Variants in HFM1 observed in about 807,000 individuals in gnomAD.
The protein encoded by HFM1 is helicase for meiosis 1.
A neutral mutation model predicts 192.1 loss-of-function variants in HFM1; 169 were observed. The ratio of observed to expected loss-of-function variants is 0.88; its 90% CI spans 0.78 to 1.00. HFM1 has a LOEUF of 1.00. HFM1 is among the 50% of genes least tolerant of loss of function. HFM1 has a pLI of 0.00. For missense variants in HFM1, 1,661 were observed against 1,668.0 expected, an observed-to-expected ratio of 1.00 and a Z score of 0.07; for synonymous variants, 525 against 537.8, an observed-to-expected ratio of 0.98 and a Z score of 0.33.
Position 91,267,812 on chromosome 1 carries a change from A to G in HFM1, c.3816T>C (p.Asp1272=). Residue 1272 remains aspartate, a synonymous_variant, in exon 35 of 39, where the codon GAT becomes GAC. Transcript: ENST00000370425. ...CTTCTAAGTTTTCATCATCAAAATC[A>G]TCCCAAACTTCATTTCCCAATTCAA... The part of the protein sequence containing the change: ...VNFELGNEVW[D]DFDDENLEVT... The G allele has an allele frequency of 6.3e-7, 1 of 1,582,432 alleles. No individual in the cohort carries two copies. Among genetic ancestry groups the G allele is most frequent in the Non-Finnish European group, 8.6e-7 (1 of 1,169,126 alleles).
intron 30 of HFM1, among the ~76,000 whole-genome samples, chr1:91,291,252 T>G (rs2100931502): frequency 6.6e-6 from 1 of 152,218 alleles, no homozygotes; most frequent in South Asian, 2.1e-4. Context: ...AAAAAATTAA[T>G]GAATTCAGGA....
intron 4 of HFM1, among the ~76,000 whole-genome samples, chr1:91,386,229 A>C (rs1021046427): frequency 2.0e-5 from 3 of 152,160 alleles, no homozygotes; most frequent in African/African-American, 7.2e-5. Flanking sequence ...GGTCTCTTAG[A>C]TCTCTCACTC....
intron 30 of HFM1, among the ~76,000 whole-genome samples, chr1:91,293,391 C>T (rs1438773152): frequency 4.6e-5 from 7 of 152,152 alleles, no homozygotes; most frequent in East Asian, 1.9e-4. Context: ...GGGCAAAGGA[C>T]ATGAACAGAC....
chr1:91,302,385 G>A (rs1648925609), intron 30 of HFM1, among the ~76,000 whole-genome samples: 1 of 151,938 alleles, frequency 6.6e-6, no homozygotes, highest in African/African-American at 2.4e-5. Flanking sequence ...CGATTCCTCA[G>A]GGATCTAGAA....
chr1:91,401,501 A>T (rs1664305871), intron 1 of HFM1, among the ~76,000 whole-genome samples: 1 of 152,208 alleles, frequency 6.6e-6, no homozygotes, highest in Non-Finnish European at 1.5e-5. Flanking sequence ...CTTTGTTCAC[A>T]CCATTATTTT....
At chr1:91,387,468 G>A (rs1235042231) in intron 4 of HFM1, among the ~76,000 whole-genome samples, 3 of 151,796 alleles carry the variant, frequency 2.0e-5, no homozygotes, top group Admixed American at 6.6e-5. Flanking sequence ...AAGATCAAGC[G>A]AGCTTTTGCC....
chr1:91,334,510 A>G (rs1477535792), intron 20 of HFM1, among the ~76,000 whole-genome samples: 1 of 152,186 alleles, frequency 6.6e-6, no homozygotes, highest in Non-Finnish European at 1.5e-5. Flanking sequence ...AAAATTCTTG[A>G]GCAATATTTT....
chr1:91,315,898 A>C lies in HFM1; in HGVS notation c.3057T>G (p.Thr1019=), dbSNP rs555924821. Residue 1019 remains threonine (T), a synonymous_variant, in exon 28 of 39, where the codon ACT becomes ACG. Coordinates refer to ENST00000370425, the MANE Select transcript of HFM1 (RefSeq NM_001017975.6). The part of the protein sequence containing the change: ...VILRNFEQLQ[T]KRTASDSHYV... ...AGTGAGAATCCGATGCTGTTCTTTT[A>C]GTTTGTAGCTGTTCAAAATTTCTTA... is the stretch of plus-strand genomic sequence containing the variant. 3 of 1,607,828 alleles carry C rather than the reference A, an allele frequency of 1.9e-6. No homozygotes were observed. The Admixed American group carries it at 5.0e-5, about 27-fold the overall frequency.
At chr1:91,314,879 A>G (rs1212084716) in intron 28 of HFM1, among the ~76,000 whole-genome samples, 1 of 152,172 alleles carries the variant, frequency 6.6e-6, no homozygotes, top group Non-Finnish European at 1.5e-5. Context: ...GCTGCAGGAG[A>G]GCAGTTACCA....
intron 20 of HFM1, among the ~76,000 whole-genome samples, chr1:91,335,951 CCCCTCTCTCCCT>C (rs1428230963): frequency 3.3e-5 from 5 of 151,444 alleles, no homozygotes; most frequent in African/African-American, 9.7e-5. Flanking sequence ...CAGGCTAAGA[CCCCTCTCTCCCT>C]CCCTCTCTCC....
At chr1:91,407,374 T>G (rs539652549), upstream of HFM1, among the ~76,000 whole-genome samples, 37 of 152,254 alleles carry the variant, frequency 2.4e-4, no homozygotes, top group South Asian at 7.5e-3. Context: ...AAAAGAAATT[T>G]CTGCCCATTA....
chr1:91,291,238 C>A (rs1668709666), intron 30 of HFM1, among the ~76,000 whole-genome samples: 1 of 152,100 alleles, frequency 6.6e-6, no homozygotes, highest in Admixed American at 6.5e-5. Flanking sequence ...ACAAAACACC[C>A]TTCAAAAAAT....
intron 25 of HFM1, among the ~76,000 whole-genome samples, chr1:91,316,850 T>C (rs559464221): frequency 6.6e-6 from 1 of 152,108 alleles, no homozygotes; most frequent in Non-Finnish European, 1.5e-5. Context: ...AGCGAGGGAA[T>C]ACTGCTTTAT....
At position 91,352,557 on chromosome 1, in the gene HFM1, C is replaced by G; in HGVS notation, c.1926G>C (p.Glu642Asp). 1 of 1,609,192 alleles carries G rather than the reference C, an allele frequency of 6.2e-7. No homozygotes were observed. Residue 642 changes from glutamate (E) to aspartate (D), a missense_variant, in exon 16 of 39, where the codon GAG becomes GAC. Coordinates refer to ENST00000370425, the MANE Select transcript of HFM1 (RefSeq NM_001017975.6). ...TCTGTAGAATATCTGTTTCACTGTA[C>G]TCTTCAAACAGTCCTCCAGCATAAT... Reference protein sequence around the residue: ...TMHYAGGLFEEYSETDILQMI... With the variant: ...TMHYAGGLFEDYSETDILQMI...
intron 20 of HFM1, chr1:91,328,730 G>T: frequency 2.5e-6 from 4 of 1,608,900 alleles, no homozygotes; most frequent in Non-Finnish European, 3.4e-6. Flanking sequence ...GGCTCAGGCT[G>T]CTGGGGCCGA....
intron 20 of HFM1, among the ~76,000 whole-genome samples, 192 bp downstream of exon 20, chr1:91,343,230 CAAAAAAAA>C (rs34902756): frequency 2.7e-5 from 2 of 74,912 alleles, no homozygotes; most frequent in Non-Finnish European, 2.3e-5. Flanking sequence ...GACTCTGTCT[CAAAAAAAA>C]AAAAAAAAAA....
intron 1 of HFM1, 108 bp from the exon 2 acceptor site, chr1:91,401,217 C>T: frequency 1.7e-6 from 1 of 582,474 alleles, no homozygotes; most frequent in African/African-American, 2.0e-5. Context: ...TAACCACAGA[C>T]TATCCTTCCA....
chr1:91,351,629 A>G lies in HFM1; in HGVS notation c.1992T>C (p.Ala664=). The G allele has an allele frequency of 6.3e-7, 1 of 1,590,686 alleles. No individual in the cohort carries two copies. Among genetic ancestry groups the G allele is most frequent in the Non-Finnish European group, 8.6e-7 (1 of 1,163,742 alleles). ...RAGRPQFDTT[A]TAVIMTRLST... ...TTAATCGAGTCATGATAACTGCAGT[A>G]GCTGTAGTGTCAAACTGGGGAGAAA... Residue 664 remains alanine, a synonymous_variant, in exon 17 of 39, where the codon GCT becomes GCC. Coordinates refer to ENST00000370425, the MANE Select transcript of HFM1 (RefSeq NM_001017975.6).
At chr1:91,354,395 G>C (rs1170548833) in intron 13 of HFM1, among the ~76,000 whole-genome samples, 16 of 152,118 alleles carry the variant, frequency 1.1e-4, no homozygotes, top group Non-Finnish European at 2.9e-5. Context: ...AGAAGGAGAA[G>C]AATGAGGAAA....
Sources: gnomAD v4.1 joint callset for allele counts (sites outside exome capture counted in the v4.1 genomes callset) on GRCh38, gnomAD v4.1.1 for gene constraint, MANE v1.5 for transcripts, NCBI Gene and HGNC (gene_info 2026-07-23, HGNC 2026-07-21) for gene names.